The following DNTTIP2 variants were observed in gnomAD, a reference collection of about 807,000 sequenced individuals.
DNTTIP2 encodes deoxynucleotidyltransferase terminal interacting protein 2.
Under a neutral mutation model 62.4 loss-of-function variants are expected in DNTTIP2, and 47 were observed. The observed-to-expected ratio is 0.75, with a 90% CI of 0.60 to 0.96. The LOEUF (loss-of-function observed/expected upper bound fraction) is 0.96, where lower values mean the gene tolerates loss of function less well. Ranked by LOEUF, DNTTIP2 falls within the 40% of genes least tolerant of loss-of-function variation. The pLI, the probability that DNTTIP2 is intolerant of heterozygous loss-of-function variation, is 0.00. For missense variants in DNTTIP2, 870 were observed against 849.1 expected (o/e 1.02, Z -0.31); for synonymous variants, 322 against 300.9 (o/e 1.07, Z -0.73).
At position 93,876,912 on chromosome 1, in the gene DNTTIP2, G is replaced by C; in HGVS notation, c.1023C>G (p.Thr341=). ...CTGATACAGCATTTTTATTTTGGGG[G>C]GTTGAATGTCTCTGAGAAACTAACT... The part of the protein sequence containing the change: ...LQQLVSQRHS[T]PQNKNAVSVH... Residue 341 remains threonine, a synonymous_variant, in exon 2 of 7, where the codon ACC becomes ACG. Transcript: ENST00000436063. The C allele has an allele frequency of 6.2e-7, 1 of 1,613,720 alleles. No homozygotes were observed.
chr1:93,875,169 G>A (rs1007346983), intron 3 of DNTTIP2, among the ~76,000 whole-genome samples: 1 of 152,182 alleles, frequency 6.6e-6, no homozygotes, highest in Non-Finnish European at 1.5e-5. Flanking sequence ...AGAAAATATA[G>A]ATTTAGGAGA....
intron 1 of DNTTIP2, 33 bp downstream of exon 1, chr1:93,879,044 G>T: frequency 6.2e-7 from 1 of 1,611,396 alleles, no homozygotes. Flanking sequence ...GCTCTGCGAA[G>T]CGGCGAGAAG....
At chr1:93,878,993 C>T in intron 1 of DNTTIP2, 84 bp downstream of exon 1, 1 of 1,551,530 alleles carries the variant, frequency 6.4e-7, no homozygotes, top group South Asian at 1.2e-5. Flanking sequence ...AGGTCCTCAC[C>T]CTTAACCGGA....
intron 3 of DNTTIP2, 53 bp downstream of exon 3, chr1:93,875,592 T>C (rs1199999898): frequency 2.2e-5 from 35 of 1,557,344 alleles, no homozygotes; most frequent in Non-Finnish European, 2.9e-5. Context: ...AAGGACTAAT[T>C]TCTAAAAGTG....
Position 93,875,640 on chromosome 1 carries a change from C to T in DNTTIP2, c.1806+5G>A, listed in dbSNP as rs751008383. On this transcript the variant is annotated splice_donor_5th_base_variant and intron_variant, in intron 3 of 6. Coordinates refer to ENST00000436063, the MANE Select transcript of DNTTIP2 (RefSeq NM_014597.5). ...TGTGAAAACCTAACAGCACAATTAA[C>T]TTACCTCATTTTTCTTTTTCTCCTT... 6.2e-7 allele frequency: 1 copy of T among 1,606,076 alleles called. No homozygotes were observed. Among genetic ancestry groups the T allele is most frequent in the South Asian group, 1.1e-5 (1 of 88,392 alleles).
At chr1:93,878,023 T>C (rs1027028647) in intron 1 of DNTTIP2, 161 bp from the exon 2 acceptor site, 74 of 1,175,428 alleles carry the variant, frequency 6.3e-5, no homozygotes, top group Non-Finnish European at 8.2e-5. Context: ...AAATCAAAAT[T>C]TGGCCGGGCG....
In DNTTIP2 at chr1:93,876,408, G is replaced by C; in HGVS notation, c.1527C>G (p.Asp509Glu). The C allele has an allele frequency of 6.2e-7, 1 of 1,608,620 alleles. No individual in the cohort carries two copies. The highest frequency in any genetic ancestry group is 8.5e-7 in the Non-Finnish European group (1 of 1,177,064). ...CCTCAATGGCAACCTCACTTGCCTT[G>C]TCTTCCTCTTCCAAGTAAAAATTTT... ...ADKNFYLEEE[D>E]KASEVAIEEE... is the part of the protein sequence containing the mutation. Residue 509 changes from aspartate to glutamate, a missense_variant, in exon 2 of 7, where the codon GAC becomes GAG. Transcript: ENST00000436063.
In DNTTIP2 at chr1:93,877,186, C is replaced by A. The variant is rs1172443886; in HGVS notation, c.749G>T (p.Arg250Ile). The A allele has an allele frequency of 3.1e-6, 5 of 1,613,746 alleles. No individual in the cohort carries two copies. The highest frequency in any genetic ancestry group is 2.7e-5 in the African/African-American group (2 of 75,058). Residue 250 changes from arginine (R) to isoleucine (I), a missense_variant, in exon 2 of 7, where the codon AGA becomes ATA. Coordinates refer to ENST00000436063, the MANE Select transcript of DNTTIP2 (RefSeq NM_014597.5). Reference sequence around the variant, plus strand: ...TGGCTTATTTATCTCAGAAAGAGATCTTGCTTGTAAATGGGAAGTTTGTCT... The same window carrying A: ...TGGCTTATTTATCTCAGAAAGAGATATTGCTTGTAAATGGGAAGTTTGTCT... ...DTRQTSHLQA[R>I]SLSEINKPNF...
At position 93,870,705 on chromosome 1, in the gene DNTTIP2, G is replaced by A. The variant is rs755996360; in HGVS notation, c.2155C>T (p.Leu719=). The part of the protein sequence containing the change: ...QRKRTIVEEL[L]ADSEFRRYNR... Reference sequence around the variant, plus strand: ...TACCTTCTGAATTCAGAATCAGCCAGCAGTTCTTCCACAATAGTTCTTTTC... The same window carrying A: ...TACCTTCTGAATTCAGAATCAGCCAACAGTTCTTCCACAATAGTTCTTTTC... The change falls in exon 6 of 7, where the codon CTG becomes TTG. Residue 719 remains leucine, a synonymous_variant. Coordinates refer to ENST00000436063, the MANE Select transcript of DNTTIP2 (RefSeq NM_014597.5). 1 of 1,559,848 alleles carries A rather than the reference G, an allele frequency of 6.4e-7. No individual in the cohort carries two copies. Among genetic ancestry groups the A allele is most frequent in the South Asian group, 1.2e-5 (1 of 82,568 alleles).
Position 93,866,455 on chromosome 1 carries a change from T to G in DNTTIP2, c.*3396A>C, listed in dbSNP as rs1214980934. The G allele has an allele frequency of 6.6e-6, 1 of 152,212 alleles. No homozygotes were observed. The highest frequency in any genetic ancestry group is 1.5e-5 in the Non-Finnish European group (1 of 68,030). The allele number at this position is 152,212 out of a possible 1,614,324, so 9.4% of individuals were successfully genotyped here. ...AGGCATTTTTCAATGGTTTGGGATC[T>G]ATTGTAGGTAATTATTCTGAACAAG... is the stretch of plus-strand genomic sequence containing the variant. On this transcript the variant is annotated 3_prime_UTR_variant, in exon 7 of 7. Transcript: ENST00000436063.
At chr1:93,877,935 C>T in intron 1 of DNTTIP2, 73 bp from the exon 2 acceptor site, 1 of 1,480,562 alleles carries the variant, frequency 6.8e-7, no homozygotes. Context: ...AATACTGACC[C>T]CAAAAGCTAA....
At position 93,869,947 on chromosome 1, in the gene DNTTIP2, GA is replaced by G. The variant is rs35712721; in HGVS notation, c.2178-4del. 1.0e-5 allele frequency: 8 copies of G among 774,068 alleles called. No individual in the cohort carries two copies. Among genetic ancestry groups the G allele is most frequent in the Non-Finnish European group, 1.7e-5 (7 of 415,694 alleles). The allele number at this position is 774,068 out of a possible 1,614,324, so 47.9% of individuals were successfully genotyped here. Reference sequence around the variant, plus strand: ...CTGAGTACTTCCTTCGGTTGTATCTGAAAAAGAAAAATCAGAACTTTATGTT... The same window carrying G: ...CTGAGTACTTCCTTCGGTTGTATCTGAAAAGAAAAATCAGAACTTTATGTT... On this transcript the variant is annotated splice_polypyrimidine_tract_variant and splice_region_variant and intron_variant, in intron 6 of 6. Coordinates refer to ENST00000436063, the MANE Select transcript of DNTTIP2 (RefSeq NM_014597.5).
At chr1:93,878,905 T>C (rs1340777130) in intron 1 of DNTTIP2, 172 bp downstream of exon 1, 2 of 814,516 alleles carry the variant, frequency 2.5e-6, no homozygotes, top group Non-Finnish European at 3.7e-6. Context: ...TGGTGAAGGC[T>C]AAACAGTTTC....
At chr1:93,875,194 G>A (rs1199454525) in intron 3 of DNTTIP2, among the ~76,000 whole-genome samples, 2 of 152,210 alleles carry the variant, frequency 1.3e-5, no homozygotes, top group Non-Finnish European at 2.9e-5. Flanking sequence ...AGTGCAAGGT[G>A]TTGGCTAAAG....
At position 93,874,471 on chromosome 1, in the gene DNTTIP2, G is replaced by T. The variant is rs13375457; in HGVS notation, c.1806+1174C>A. Among the ~76,000 whole-genome samples the T allele has an allele frequency of 9.0e-3, 1,375 of 152,294 alleles. 22 individuals are homozygous for T. Among genetic ancestry groups the T allele is most frequent in the African/African-American group, 0.031 (1,297 of 41,556 alleles). ...ATGGAAACAGAGGGGTTGTGAGAAG[G>T]ACTGGAGGTAAAATATTCCCCAAGG... is the stretch of plus-strand genomic sequence containing the variant. On this transcript the variant is annotated intron_variant, in intron 3 of 6. Transcript: ENST00000436063.
chr1:93,872,138 T>C lies in DNTTIP2; in HGVS notation c.2001A>G (p.Arg667=), dbSNP rs931437488. The C allele has an allele frequency of 1.9e-6, 3 of 1,613,794 alleles. No individual in the cohort carries two copies. Among genetic ancestry groups the C allele is most frequent in the Non-Finnish European group, 2.5e-6 (3 of 1,179,828 alleles). Residue 667 remains arginine (R), a synonymous_variant, in exon 5 of 7, where the codon AGA becomes AGG. Transcript: ENST00000436063. ...AAAATCTTTTCGGGTCCATGCTGGC[T>C]CTCATCTTCAGTGCTTTGAGATCAT... is the stretch of plus-strand genomic sequence containing the variant. ...LKNDLKALKM[R]ASMDPKRFYK... is the part of the protein sequence containing the mutation.
Position 93,876,620 on chromosome 1 carries a change from T to C in DNTTIP2, c.1315A>G (p.Asn439Asp). 3 of 1,614,050 alleles carry C rather than the reference T, an allele frequency of 1.9e-6. No homozygotes were observed. Among genetic ancestry groups the C allele is most frequent in the South Asian group, 1.1e-5 (1 of 91,074 alleles). Residue 439 changes from asparagine (N) to aspartate (D), a missense_variant, in exon 2 of 7, where the codon AAT becomes GAT. Coordinates refer to ENST00000436063, the MANE Select transcript of DNTTIP2 (RefSeq NM_014597.5). Reference sequence around the variant, plus strand: ...CTGCTGAGAACTAGTAAGACAGAATTATCTTTACCCTGAGATGTGTTGGGC... The same window carrying C: ...CTGCTGAGAACTAGTAAGACAGAATCATCTTTACCCTGAGATGTGTTGGGC... ...SAPNTSQGKD[N>D]SVLLVLSSDE...
Position 93,879,196 on chromosome 1 carries a change from T to C in DNTTIP2, c.-48A>G, listed in dbSNP as rs1656096078. The C allele has an allele frequency of 6.2e-7, 1 of 1,600,372 alleles. No individual in the cohort carries two copies. Among genetic ancestry groups the C allele is most frequent in the African/African-American group, 1.3e-5 (1 of 74,282 alleles). On this transcript the variant is annotated 5_prime_UTR_variant, in exon 1 of 7. Transcript: ENST00000436063. Reference sequence around the variant, plus strand: ...CCACGACTTCCCTCTTCCCTGGCGCTCCGGAAATGCGTCAGAGAACTGCCT... The same window carrying C: ...CCACGACTTCCCTCTTCCCTGGCGCCCCGGAAATGCGTCAGAGAACTGCCT...
intron 1 of DNTTIP2, chr1:93,878,838 G>A (rs1242939733): frequency 1.9e-6 from 1 of 514,380 alleles, no homozygotes; most frequent in East Asian, 3.3e-5. Flanking sequence ...GGAGTTGAAC[G>A]ACCCAAATAA....
Sources: gnomAD v4.1 joint callset for allele counts (sites outside exome capture counted in the v4.1 genomes callset) on GRCh38, gnomAD v4.1.1 for gene constraint, MANE v1.5 for transcripts, NCBI Gene and HGNC (gene_info 2026-07-23, HGNC 2026-07-21) for gene names.